The following PDPK1 variants were observed in gnomAD, a reference collection of about 807,000 sequenced individuals.
The protein encoded by PDPK1 is 3-phosphoinositide-dependent protein kinase 1.
In PDPK1, 7 loss-of-function variants were observed where a neutral mutation model predicts 39.8. The observed-to-expected ratio is 0.18, with a 90% CI of 0.10 to 0.33. PDPK1 has a LOEUF of 0.33. PDPK1 is among the 10% of genes least tolerant of loss of function. The pLI is 1.00. For synonymous variants in PDPK1, 118 were observed against 159.1 expected (o/e 0.74, Z 1.95); for missense variants, 182 against 384.7 (o/e 0.47, Z 4.41).
chr16:2,589,488 G>C (rs375460191), intron 11 of PDPK1, among the ~76,000 whole-genome samples: 1 of 152,042 alleles, frequency 6.6e-6, no homozygotes, highest in African/African-American at 2.4e-5. Context: ...AGGAATTCGA[G>C]AGCAGCCTGG....
At position 2,544,865 on chromosome 16, in the gene PDPK1, A is replaced by G. The variant is rs201096151; in HGVS notation, c.24+6729A>G. Reference sequence around the variant, plus strand: ...TCCCAAAGTGCTGGGATTTACAGGCATGAGCCACCACACCTGGCCCAAAAT... The same window carrying G: ...TCCCAAAGTGCTGGGATTTACAGGCGTGAGCCACCACACCTGGCCCAAAAT... On this transcript the variant is annotated intron_variant, in intron 1 of 13. Transcript: ENST00000342085. Among the ~76,000 whole-genome samples, 9 of 152,080 alleles carry G rather than the reference A, an allele frequency of 5.9e-5. No homozygotes were observed. The East Asian group carries it at 7.7e-4, about 13-fold the overall frequency.
chr16:2,541,352 T>G (rs1215243036), intron 1 of PDPK1, among the ~76,000 whole-genome samples: 1 of 152,052 alleles, frequency 6.6e-6, no homozygotes, highest in Non-Finnish European at 1.5e-5. Flanking sequence ...TTGACACCGG[T>G]GGGAGACGGA....
chr16:2,602,516 C>T lies in PDPK1; in HGVS notation c.*4749C>T. ...TTACAAAAGGCAGACCTTTTTTAAG[C>T]TGTGTAACCCACATAGCCTAACCAC... On this transcript the variant is annotated 3_prime_UTR_variant, in exon 14 of 14. Transcript: ENST00000342085. 2 of 234,878 alleles carry T rather than the reference C, an allele frequency of 8.5e-6. No individual in the cohort carries two copies. The highest frequency in any genetic ancestry group is 1.7e-5 in the Non-Finnish European group (2 of 118,056). 14.5% of individuals were successfully genotyped at this position (234,878 alleles called of 1,614,324 possible).
At chr16:2,544,030 C>T (rs546201800) in intron 1 of PDPK1, among the ~76,000 whole-genome samples, 7 of 152,008 alleles carry the variant, frequency 4.6e-5, no homozygotes, top group Non-Finnish European at 8.8e-5. Flanking sequence ...CCACCGTGCC[C>T]GGCCTGCTTT....
chr16:2,585,991 C>T, intron 10 of PDPK1, among the ~76,000 whole-genome samples: 1 of 152,220 alleles, frequency 6.6e-6, no homozygotes, highest in Non-Finnish European at 1.5e-5. Context: ...CTTCCCTTGC[C>T]CAGGGACTCT....
intron 11 of PDPK1, among the ~76,000 whole-genome samples, chr16:2,587,331 G>T (rs2141994562): frequency 6.6e-6 from 1 of 152,302 alleles, no homozygotes. Context: ...CTGTCGCGGG[G>T]GCGCCAGGAA....
chr16:2,595,707 A>G (rs2067087276), intron 11 of PDPK1, 86 bp from the exon 12 acceptor site: 5 of 1,060,320 alleles, frequency 4.7e-6, no homozygotes, highest in South Asian at 3.8e-5. Context: ...GGCCGAGGCT[A>G]TGGGGAGTTC....
chr16:2,551,649 T>G (rs1317578892), intron 1 of PDPK1, among the ~76,000 whole-genome samples: 2 of 150,368 alleles, frequency 1.3e-5, no homozygotes, highest in Non-Finnish European at 2.9e-5. Context: ...GGAGGCGCCC[T>G]GATTTCCATC....
At chr16:2,595,409 C>A (rs1204475390) in intron 11 of PDPK1, among the ~76,000 whole-genome samples, 2 of 152,130 alleles carry the variant, frequency 1.3e-5, no homozygotes, top group Admixed American at 1.3e-4. Context: ...TTGTTGACTC[C>A]GCGGGCAGCC....
At chr16:2,595,604 A>G (rs1017415581) in intron 11 of PDPK1, among the ~76,000 whole-genome samples, 189 bp from the exon 12 acceptor site, 3 of 152,182 alleles carry the variant, frequency 2.0e-5, no homozygotes, top group African/African-American at 7.2e-5. Context: ...AATACGGATT[A>G]AGGCTCTCTG....
chr16:2,586,451 C>T (rs1376685471), intron 10 of PDPK1, among the ~76,000 whole-genome samples: 1 of 152,282 alleles, frequency 6.6e-6, no homozygotes, highest in East Asian at 1.9e-4. Context: ...CTCTCTGGCC[C>T]TGATTCCCAT....
At chr16:2,587,976 G>C (rs370285984) in intron 11 of PDPK1, among the ~76,000 whole-genome samples, 8 of 152,192 alleles carry the variant, frequency 5.3e-5, no homozygotes, top group East Asian at 3.9e-4. Flanking sequence ...GGAGCCCAAG[G>C]GGGTGGGGAG....
intron 1 of PDPK1, among the ~76,000 whole-genome samples, chr16:2,546,011 C>A (rs1375637085): frequency 6.6e-6 from 1 of 152,148 alleles, no homozygotes; most frequent in African/African-American, 2.4e-5. Flanking sequence ...GGATTTGTCT[C>A]ATTGTTTCCT....
chr16:2,538,620 T>G, intron 1 of PDPK1: 1 of 1,289,032 alleles, frequency 7.8e-7, no homozygotes, highest in Non-Finnish European at 1.0e-6. Context: ...CTTTTCCAGA[T>G]TCTTGATGAC....
intron 11 of PDPK1, 98 bp downstream of exon 11, chr16:2,586,991 C>A: frequency 9.6e-7 from 1 of 1,036,378 alleles, no homozygotes. Context: ...CTGCCTCCCT[C>A]AGCAGCCTTG....
intron 11 of PDPK1, chr16:2,592,889 TGGCGCCTGTCCGTGG>T: frequency 2.2e-6 from 1 of 456,528 alleles, no homozygotes; most frequent in Non-Finnish European, 4.4e-6. Flanking sequence ...CGGGGGTGGG[TGGCGCCTGTCCGTGG>T]GGCCCTTGCC....
At chr16:2,589,086 G>C (rs887547839) in intron 11 of PDPK1, among the ~76,000 whole-genome samples, 1 of 152,130 alleles carries the variant, frequency 6.6e-6, no homozygotes, top group Non-Finnish European at 1.5e-5. Context: ...CTCCTGAGTA[G>C]CTGGGATTAC....
intron 11 of PDPK1, among the ~76,000 whole-genome samples, chr16:2,587,507 T>C (rs1013522165): frequency 6.6e-6 from 1 of 152,218 alleles, no homozygotes; most frequent in Admixed American, 6.5e-5. Context: ...CTTTCTTGTA[T>C]ATTTTGCATC....
Position 2,599,211 on chromosome 16 carries a change from C to G in PDPK1, c.*1444C>G, listed in dbSNP as rs893353568. On this transcript the variant is annotated 3_prime_UTR_variant, in exon 14 of 14. Coordinates refer to ENST00000342085, the MANE Select transcript of PDPK1 (RefSeq NM_002613.5). ...TGCCCAGGTTGTCCCTGGAGGGCAG[C>G]CCTCACTCCCTTTGGGGGAGAGGCA... 19 of 233,360 alleles carry G rather than the reference C, an allele frequency of 8.1e-5. No homozygotes were observed. The East Asian group carries it at 1.1e-3, about 14-fold the overall frequency. 14.5% of individuals were successfully genotyped at this position (233,360 alleles called of 1,614,324 possible). A position where few individuals can be genotyped will look rare whatever the true frequency, so the allele number is the denominator to read the frequency against.
Sources: allele counts gnomAD v4.1 joint callset (sites outside exome capture counted in the v4.1 genomes callset), GRCh38; gene constraint gnomAD v4.1.1; transcripts MANE v1.5; gene names NCBI Gene and HGNC (gene_info 2026-07-23, HGNC 2026-07-21).